The following NRXN1 variants were observed in gnomAD, a reference collection of about 807,000 sequenced individuals.
The protein encoded by NRXN1 is neurexin 1.
Under a neutral mutation model 150.9 loss-of-function variants are expected in NRXN1, and 39 were observed. That is an observed-to-expected ratio of 0.26 (90% CI 0.20 to 0.34). The LOEUF is 0.34. Among genes scored for constraint, NRXN1 ranks in the 10% least tolerant of loss-of-function variants. NRXN1 has a pLI of 1.00. For missense variants in NRXN1, 1,815 were observed against 1,949.9 expected (o/e 0.93, Z 1.30); for synonymous variants, 924 against 757.0 (o/e 1.22, Z -3.62).
chr2:50,920,402 T>C (rs1456651398), intron 5 of NRXN1, among the ~76,000 whole-genome samples: 1 of 151,780 alleles, frequency 6.6e-6, no homozygotes, highest in Non-Finnish European at 1.5e-5. Flanking sequence ...AGAAAATGGT[T>C]GTATAATTAA....
chr2:49,958,342 T>A (rs938268870), intron 21 of NRXN1, among the ~76,000 whole-genome samples: 1 of 152,188 alleles, frequency 6.6e-6, no homozygotes, highest in African/African-American at 2.4e-5. Flanking sequence ...TAAATAAACA[T>A]CACTTACATA....
intron 5 of NRXN1, among the ~76,000 whole-genome samples, chr2:50,855,362 C>G (rs1179372442): frequency 6.6e-6 from 1 of 151,794 alleles, no homozygotes; most frequent in Non-Finnish European, 1.5e-5. Flanking sequence ...TTAATTTTAT[C>G]AAAAAGAAAA....
At chr2:50,594,853 G>A (rs533762538) in intron 8 of NRXN1, among the ~76,000 whole-genome samples, 2 of 152,024 alleles carry the variant, frequency 1.3e-5, no homozygotes, top group African/African-American at 4.8e-5. Flanking sequence ...AACACCAGGG[G>A]TGACTCTCAT....
chr2:50,094,601 CAA>C (rs992315108), intron 18 of NRXN1, among the ~76,000 whole-genome samples: 7 of 151,914 alleles, frequency 4.6e-5, no homozygotes, highest in African/African-American at 1.7e-4. Flanking sequence ...AGTGGCCAAG[CAA>C]AGAGATATTG....
chr2:50,143,236 A>G (rs1249465163), intron 18 of NRXN1, among the ~76,000 whole-genome samples: 1 of 151,922 alleles, frequency 6.6e-6, no homozygotes, highest in Non-Finnish European at 1.5e-5. Context: ...CACCATGAAA[A>G]GGAGATACAT....
In NRXN1 at chr2:49,950,029, A is replaced by G. The variant is rs77439804; in HGVS notation, c.4129-6238T>C. 3.9e-3 allele frequency among the ~76,000 whole-genome samples: 591 copies of G among 152,014 alleles called. 4 individuals carry two copies. The highest frequency in any genetic ancestry group is 0.014 in the African/African-American group (564 of 41,546). On this transcript the variant is annotated intron_variant, in intron 21 of 22. Transcript: ENST00000401669. Reference sequence around the variant, plus strand: ...TAACAGGATTCAGGATTAGTATCACAAATTCCCAAGTAAGGTCCAACCCAG... The same window carrying G: ...TAACAGGATTCAGGATTAGTATCACGAATTCCCAAGTAAGGTCCAACCCAG...
At chr2:50,538,674 A>ACG in intron 9 of NRXN1, 38 bp from the exon 10 acceptor site, 1 of 1,410,888 alleles carries the variant, frequency 7.1e-7, no homozygotes, top group Non-Finnish European at 9.3e-7. Context: ...GTCTTTAAAA[A>ACG]GCACCAACGT....
At chr2:49,977,215 G>C (rs1287506897) in intron 21 of NRXN1, among the ~76,000 whole-genome samples, 2 of 152,128 alleles carry the variant, frequency 1.3e-5, no homozygotes, top group African/African-American at 4.8e-5. Context: ...ATAATTTAAG[G>C]GTTTTGGGGT....
chr2:50,809,528 C>A (rs1278516089), intron 5 of NRXN1, among the ~76,000 whole-genome samples: 2 of 152,058 alleles, frequency 1.3e-5, no homozygotes, highest in African/African-American at 4.8e-5. Context: ...TCTTTCCCTT[C>A]ATAATTATGT....
At chr2:50,482,260 TC>T (rs2090530925) in intron 15 of NRXN1, among the ~76,000 whole-genome samples, 1 of 152,078 alleles carries the variant, frequency 6.6e-6, no homozygotes, top group Non-Finnish European at 1.5e-5. Context: ...TGTAGAGTAA[TC>T]CATCTTCTTT....
At chr2:50,146,184 G>T (rs537880600) in intron 18 of NRXN1, among the ~76,000 whole-genome samples, 24 of 151,764 alleles carry the variant, frequency 1.6e-4, no homozygotes, top group African/African-American at 5.8e-4. Flanking sequence ...AACTGCAGTA[G>T]TTACTATGCA....
chr2:50,040,312 A>C (rs1326032366), intron 21 of NRXN1, among the ~76,000 whole-genome samples: 1 of 151,266 alleles, frequency 6.6e-6, no homozygotes, highest in Non-Finnish European at 1.5e-5. Context: ...TACTTAAAGC[A>C]ACAAAATTTA....
At chr2:50,635,257 A>C (rs904202697) in intron 5 of NRXN1, among the ~76,000 whole-genome samples, 1 of 150,480 alleles carries the variant, frequency 6.6e-6, no homozygotes, top group African/African-American at 2.4e-5. Flanking sequence ...TCCCGGGTTC[A>C]CGCCATTCTC....
chr2:50,867,054 T>C (rs1474060907), intron 5 of NRXN1, among the ~76,000 whole-genome samples: 2 of 151,934 alleles, frequency 1.3e-5, no homozygotes, highest in African/African-American at 2.4e-5. Context: ...GTTACTTATA[T>C]AGTTTTCTAA....
chr2:49,945,360 C>G (rs1203422558), intron 21 of NRXN1, among the ~76,000 whole-genome samples: 1 of 149,640 alleles, frequency 6.7e-6, no homozygotes, highest in Admixed American at 6.7e-5. Context: ...CCCTTTCATT[C>G]CTGGTATTTG....
chr2:50,273,375 C>T (rs1264158389), intron 17 of NRXN1, among the ~76,000 whole-genome samples: 1 of 152,110 alleles, frequency 6.6e-6, no homozygotes, highest in Non-Finnish European at 1.5e-5. Flanking sequence ...AAACAGTTTC[C>T]ATTTTCCACT....
chr2:50,206,061 T>C (rs1220984821), intron 18 of NRXN1, among the ~76,000 whole-genome samples: 3 of 152,066 alleles, frequency 2.0e-5, no homozygotes, highest in African/African-American at 4.8e-5. Flanking sequence ...GTAAATCACA[T>C]TGTGTATGAA....
chr2:50,785,491 G>A (rs984188714), intron 5 of NRXN1, among the ~76,000 whole-genome samples: 5 of 151,996 alleles, frequency 3.3e-5, no homozygotes, highest in East Asian at 1.9e-4. Context: ...CTCATGGTCC[G>A]CCCGCCTTGG....
At chr2:50,570,855 G>A (rs72884035) in intron 8 of NRXN1, among the ~76,000 whole-genome samples, 23,869 of 151,934 alleles carry the variant, frequency 0.16, 3,068 homozygotes, top group African/African-American at 0.36. Flanking sequence ...AGTGTTTTCC[G>A]CAGCTTGGTT....
Sources: gnomAD v4.1 joint callset for allele counts (sites outside exome capture counted in the v4.1 genomes callset) on GRCh38, gnomAD v4.1.1 for gene constraint, MANE v1.5 for transcripts, NCBI Gene and HGNC (gene_info 2026-07-23, HGNC 2026-07-21) for gene names.